ANKRD50: variants seen among roughly 807,000 people sequenced by gnomAD.
ANKRD50 encodes the protein ankyrin repeat domain 50.
In ANKRD50, 40 loss-of-function variants were observed where a neutral mutation model predicts 112.0. That is an observed-to-expected ratio of 0.36 (90% CI 0.28 to 0.46). ANKRD50 has a LOEUF of 0.46. Among genes scored for constraint, ANKRD50 ranks in the 20% least tolerant of loss-of-function variants. ANKRD50 has a pLI of 1.00. For missense variants in ANKRD50, 1,487 were observed against 1,701.7 expected (o/e 0.87, Z 2.22); for synonymous variants, 613 against 619.1 (o/e 0.99, Z 0.15).
intron 2 of ANKRD50, among the ~76,000 whole-genome samples, chr4:124,693,099 G>C (rs908530955): frequency 6.6e-6 from 1 of 152,118 alleles, no homozygotes; most frequent in African/African-American, 2.4e-5. Context: ...GTGTTAAATT[G>C]CTTCTGAAAA....
At chr4:124,686,381 G>A (rs1026681560) in intron 2 of ANKRD50, among the ~76,000 whole-genome samples, 2 of 152,090 alleles carry the variant, frequency 1.3e-5, no homozygotes, top group Non-Finnish European at 2.9e-5. Context: ...GAGCCCCTGG[G>A]GCCACTGATA....
intron 2 of ANKRD50, among the ~76,000 whole-genome samples, chr4:124,705,512 A>C (rs1725485346): frequency 6.6e-6 from 1 of 152,218 alleles, no homozygotes; most frequent in Non-Finnish European, 1.5e-5. Context: ...TTAACAAGAA[A>C]TAAAAGTGAG....
chr4:124,706,347 T>C (rs1170114060), intron 2 of ANKRD50, among the ~76,000 whole-genome samples: 4 of 152,082 alleles, frequency 2.6e-5, no homozygotes, highest in South Asian at 2.1e-4. Context: ...GAATATACTA[T>C]ACCATGTCAG....
intron 2 of ANKRD50, among the ~76,000 whole-genome samples, chr4:124,704,629 G>A (rs1725464066): frequency 6.6e-6 from 1 of 152,102 alleles, no homozygotes; most frequent in Admixed American, 6.5e-5. Flanking sequence ...ACATATTCTA[G>A]ATAGGCAAGT....
intron 2 of ANKRD50, among the ~76,000 whole-genome samples, chr4:124,707,303 G>A (rs1476376682): frequency 1.3e-5 from 2 of 151,720 alleles, no homozygotes; most frequent in South Asian, 2.1e-4. Context: ...AATAAAATAC[G>A]TTCCTATTAA....
At chr4:124,702,175 T>C (rs760629520) in intron 2 of ANKRD50, among the ~76,000 whole-genome samples, 29 of 152,148 alleles carry the variant, frequency 1.9e-4, no homozygotes, top group Non-Finnish European at 3.7e-4. Flanking sequence ...TTATTAAAAG[T>C]TTCCAAAGCT....
intron 2 of ANKRD50, among the ~76,000 whole-genome samples, chr4:124,700,847 T>C (rs1725373933): frequency 6.6e-6 from 1 of 152,210 alleles, no homozygotes; most frequent in African/African-American, 2.4e-5. Context: ...CTTCTCATTG[T>C]GGTGGCAGAA....
chr4:124,708,691 TACACAC>T (rs10558584), intron 2 of ANKRD50, among the ~76,000 whole-genome samples: 5,295 of 145,620 alleles, frequency 0.036, 114 homozygotes, highest in Middle Eastern at 0.081. Context: ...TACTAACACA[TACACAC>T]ACACACACAC....
chr4:124,670,894 A>G lies in ANKRD50; in HGVS notation c.2383T>C (p.Ser795Pro). The G allele has an allele frequency of 6.2e-7, 1 of 1,613,878 alleles. No homozygotes were observed. The highest frequency in any genetic ancestry group is 1.1e-5 in the South Asian group (1 of 91,080). ...LLAAASMGHA[S>P]VVNTLLFWGA... ...CAAAACAAAAGTGTATTTACAACTG[A>G]TGCATGACCCATAGACGCTGCTGCT... is the stretch of plus-strand genomic sequence containing the variant. Residue 795 changes from serine (S) to proline (P), a missense_variant, in exon 4 of 5, where the codon TCA becomes CCA. Coordinates refer to ENST00000504087, the MANE Select transcript of ANKRD50 (RefSeq NM_020337.3).
chr4:124,708,211 G>T lies in ANKRD50; in HGVS notation c.512+1789C>A, dbSNP rs550744009. ...TGTACAGTTTTAATTCTATTAAAAG[G>T]TATAGTTTTATATTAAAGACTACAT... On this transcript the variant is annotated intron_variant, in intron 2 of 4. Coordinates refer to ENST00000504087, the MANE Select transcript of ANKRD50 (RefSeq NM_020337.3). Among the ~76,000 whole-genome samples the T allele has an allele frequency of 9.9e-5, 15 of 152,192 alleles. No homozygotes were observed. In the East Asian group the frequency reaches 2.7e-3, roughly 27 times the overall value.
intron 2 of ANKRD50, among the ~76,000 whole-genome samples, chr4:124,679,822 G>T (rs1724837657): frequency 6.6e-6 from 1 of 151,768 alleles, no homozygotes; most frequent in Admixed American, 6.6e-5. Context: ...ATCACTGTAG[G>T]CCAACCTACC....
chr4:124,705,236 A>C (rs77045883), intron 2 of ANKRD50, among the ~76,000 whole-genome samples: 2,945 of 152,352 alleles, frequency 0.019, 45 homozygotes, highest in Middle Eastern at 0.048. Context: ...CATTTGACAC[A>C]CAAAACAAAT....
At chr4:124,697,625 C>G (rs1354641646) in intron 2 of ANKRD50, among the ~76,000 whole-genome samples, 1 of 152,142 alleles carries the variant, frequency 6.6e-6, no homozygotes, top group Admixed American at 6.5e-5. Context: ...AGAAGCCAAG[C>G]AGATACCAGC....
At chr4:124,667,805 C>T (rs1436861616) in intron 4 of ANKRD50, among the ~76,000 whole-genome samples, 2 of 151,858 alleles carry the variant, frequency 1.3e-5, no homozygotes, top group Non-Finnish European at 2.9e-5. Context: ...ATTTTAAAAA[C>T]GAATTGCATT....
chr4:124,667,974 A>G (rs1000903363), intron 4 of ANKRD50, among the ~76,000 whole-genome samples: 1 of 151,874 alleles, frequency 6.6e-6, no homozygotes, highest in African/African-American at 2.4e-5. Context: ...CAAAGACAGA[A>G]GCAGCAAAAA....
At chr4:124,683,865 T>A (rs1724946741) in intron 2 of ANKRD50, among the ~76,000 whole-genome samples, 1 of 139,530 alleles carries the variant, frequency 7.2e-6, no homozygotes, top group Admixed American at 7.2e-5. Flanking sequence ...GTACAATTTC[T>A]TTTTTTTTTT....
At chr4:124,699,220 A>G (rs1413604539) in intron 2 of ANKRD50, among the ~76,000 whole-genome samples, 1 of 151,902 alleles carries the variant, frequency 6.6e-6, no homozygotes, top group East Asian at 1.9e-4. Context: ...GTTCTTTAAA[A>G]CAAGACAGAA....
At chr4:124,673,837 G>A (rs1263467112) in intron 3 of ANKRD50, among the ~76,000 whole-genome samples, 2 of 151,904 alleles carry the variant, frequency 1.3e-5, no homozygotes, top group African/African-American at 4.8e-5. Flanking sequence ...TACTAATATA[G>A]CCCTTTGTAT....
chr4:124,683,734 G>T (rs1724942955), intron 2 of ANKRD50, among the ~76,000 whole-genome samples: 1 of 146,786 alleles, frequency 6.8e-6, no homozygotes, highest in Non-Finnish European at 1.5e-5. Context: ...TCCAGGCTGG[G>T]TGACAGAGTG....
Sources: allele counts gnomAD v4.1 joint callset (sites outside exome capture counted in the v4.1 genomes callset), GRCh38; gene constraint gnomAD v4.1.1; transcripts MANE v1.5; gene names NCBI Gene and HGNC (gene_info 2026-07-23, HGNC 2026-07-21).